Variants in ARHGEF17 observed in about 807,000 individuals in gnomAD.
ARHGEF17 encodes 164 kDa Rho-specific guanine-nucleotide exchange factor.
In ARHGEF17, 80 loss-of-function variants were observed where a neutral mutation model predicts 174.0. The ratio of observed to expected loss-of-function variants is 0.46; its 90% confidence interval spans 0.38 to 0.55. The LOEUF is 0.55. Among genes scored for constraint, ARHGEF17 ranks in the 20% least tolerant of loss-of-function variants. The pLI is 0.00. For synonymous variants in ARHGEF17, 1,311 were observed against 1,189.1 expected, an observed-to-expected ratio of 1.10 and a Z score of -2.11; for missense variants, 2,886 against 2,839.7, an observed-to-expected ratio of 1.02 and a Z score of -0.37.
intron 3 of ARHGEF17, among the ~76,000 whole-genome samples, chr11:73,353,442 G>A (rs1865588886): frequency 6.6e-6 from 1 of 152,218 alleles, no homozygotes. Context: ...GTTGATGCTG[G>A]CTGAGTCTTG....
intron 1 of ARHGEF17, among the ~76,000 whole-genome samples, chr11:73,318,289 G>T (rs1236081731): frequency 6.7e-6 from 1 of 149,444 alleles, no homozygotes; most frequent in Non-Finnish European, 1.5e-5. Flanking sequence ...GCAGGCTGTG[G>T]TGCTCACTGT....
chr11:73,319,214 C>T (rs1864975787), intron 1 of ARHGEF17, among the ~76,000 whole-genome samples: 1 of 152,164 alleles, frequency 6.6e-6, no homozygotes. Flanking sequence ...CAGGCATGCG[C>T]CACCACATCC....
At chr11:73,325,629 C>G (rs1391973419) in intron 1 of ARHGEF17, among the ~76,000 whole-genome samples, 1 of 152,224 alleles carries the variant, frequency 6.6e-6, no homozygotes, top group African/African-American at 2.4e-5. Flanking sequence ...GTACAGATAT[C>G]AGGAGTGAGG....
At chr11:73,329,138 C>T (rs1031224122) in intron 1 of ARHGEF17, among the ~76,000 whole-genome samples, 2 of 150,986 alleles carry the variant, frequency 1.3e-5, no homozygotes, top group East Asian at 3.9e-4. Context: ...TGCCTATTTC[C>T]TACCCTGCCT....
intron 1 of ARHGEF17, among the ~76,000 whole-genome samples, chr11:73,341,430 C>A (rs1182929950): frequency 6.6e-6 from 1 of 152,150 alleles, no homozygotes; most frequent in Non-Finnish European, 1.5e-5. Context: ...CCTCAGCCTC[C>A]CGAGTAGCTG....
In ARHGEF17 at chr11:73,364,157, C is replaced by G. The variant is rs556324613; in HGVS notation, c.5334-15C>G. On this transcript the variant is annotated splice_polypyrimidine_tract_variant and intron_variant, in intron 16 of 20. Transcript: ENST00000263674. ...TGCCTGAACTCCCTTACTGCTTCCT[C>G]TTTTCCCTACCCAGGTATCTGAATA... is the stretch of plus-strand genomic sequence containing the variant. 12 of 1,614,064 alleles carry G rather than the reference C, an allele frequency of 7.4e-6. No homozygotes were observed. In the Admixed American group the frequency reaches 1.3e-4, roughly 18 times the overall value.
In ARHGEF17 at chr11:73,309,282, A is replaced by G; in HGVS notation, c.644A>G (p.His215Arg). 1 of 1,612,108 alleles carries G rather than the reference A, an allele frequency of 6.2e-7. No homozygotes were observed. The highest frequency in any genetic ancestry group is 1.3e-5 in the African/African-American group (1 of 75,008). ...GCGCAGCGTCCAGCGGATGGTTTAC[A>G]TTCTTGGCATATCTTCTCCCAACCG... ...ERAQRPADGL[H>R]SWHIFSQPQA... is the part of the protein sequence containing the mutation. The change falls in exon 1 of 21, where the codon CAT (histidine) becomes CGT (arginine). Residue 215 changes from histidine to arginine, a missense_variant. Physicochemically the swap from His to Arg is conservative, Grantham distance 29 (BLOSUM62 0). Around this residue, in one of 4 missense-constraint regions of ARHGEF17, gnomAD observed 1,728 missense variants for 1,461.2 expected, o/e 1.18. Transcript: ENST00000263674.
Position 73,309,512 on chromosome 11 carries a change from A to G in ARHGEF17, c.874A>G (p.Arg292Gly). 1 of 1,556,926 alleles carries G rather than the reference A, an allele frequency of 6.4e-7. No homozygotes were observed. The highest frequency in any genetic ancestry group is 8.7e-7 in the Non-Finnish European group (1 of 1,148,626). ...DGEGGHRWGG[R>G]PGLRPGSSLL... Reference sequence around the variant, plus strand: ...TGAGGGCGGCCACCGCTGGGGAGGGAGGCCCGGGCTCAGGCCTGGAAGCTC... The same window carrying G: ...TGAGGGCGGCCACCGCTGGGGAGGGGGGCCCGGGCTCAGGCCTGGAAGCTC... Residue 292 changes from arginine (R) to glycine (G), a missense_variant, in exon 1 of 21, where the codon AGG becomes GGG. Coordinates refer to ENST00000263674, the MANE Select transcript of ARHGEF17 (RefSeq NM_014786.4).
Position 73,363,401 on chromosome 11 carries a change from G to T in ARHGEF17, c.5192G>T (p.Ser1731Ile). ...CGGGGCAGCCTTGAGGACCTGCTGA[G>T]TGTCGACCCTGAGGCCTACCAGAGC... The part of the protein sequence containing the change: ...FTRGSLEDLL[S>I]VDPEAYQSSV... Residue 1731 changes from serine (S) to isoleucine (I), a missense_variant, in exon 15 of 21, where the codon AGT becomes ATT. By Grantham distance (142) the Ser-to-Ile change is moderately radical. Around this residue, in one of 4 missense-constraint regions of ARHGEF17, gnomAD observed 476 missense variants for 473.1 expected, o/e 1.01. Coordinates refer to ENST00000263674, the MANE Select transcript of ARHGEF17 (RefSeq NM_014786.4). 1.2e-6 allele frequency: 2 copies of T among 1,613,410 alleles called. No homozygotes were observed. Among genetic ancestry groups the T allele is most frequent in the Non-Finnish European group, 1.7e-6 (2 of 1,179,936 alleles).
rs551328028 is a variant in ARHGEF17 at position 73,347,824 on chromosome 11, C to G, written c.3270+864C>G. On this transcript the variant is annotated intron_variant, in intron 2 of 20. Coordinates refer to ENST00000263674, the MANE Select transcript of ARHGEF17 (RefSeq NM_014786.4). ...AAGAGGAGGTCAAGGCCATTGAGATCCGGCAAGGATAGAGGTTACAGGAAG... is the reference window on the plus strand; with the variant it reads ...AAGAGGAGGTCAAGGCCATTGAGATGCGGCAAGGATAGAGGTTACAGGAAG... 2.0e-5 allele frequency among the ~76,000 whole-genome samples: 3 copies of G among 152,234 alleles called. No individual in the cohort carries two copies. The South Asian group carries it at 6.2e-4, about 32-fold the overall frequency.
In ARHGEF17 at chr11:73,364,310, T is replaced by C. The variant is rs142365624; in HGVS notation, c.5401+71T>C. ...GTGTTGGGGCTCTCTCCTGGAGATG[T>C]GGCTTTGGGCAACTCCCAGGCCCTC... On this transcript the variant is annotated intron_variant, in intron 17 of 20. Transcript: ENST00000263674. The C allele has an allele frequency of 7.7e-5, 123 of 1,604,528 alleles. No individual in the cohort carries two copies. In the East Asian group the frequency reaches 1.5e-3, roughly 19 times the overall value.
intron 1 of ARHGEF17, among the ~76,000 whole-genome samples, chr11:73,312,583 T>G (rs892758473): frequency 1.3e-5 from 2 of 151,950 alleles, no homozygotes; most frequent in African/African-American, 2.4e-5. Flanking sequence ...TGCCAGAGCC[T>G]CCTCAGATGA....
intron 1 of ARHGEF17, among the ~76,000 whole-genome samples, chr11:73,320,758 C>T (rs1381907284): frequency 1.3e-5 from 2 of 150,918 alleles, no homozygotes; most frequent in Non-Finnish European, 2.9e-5. Flanking sequence ...TTCCTGGACT[C>T]AAGCAATCCC....
chr11:73,316,114 G>A (rs1413511586), intron 1 of ARHGEF17, among the ~76,000 whole-genome samples: 1 of 152,242 alleles, frequency 6.6e-6, no homozygotes, highest in East Asian at 1.9e-4. Flanking sequence ...CCTAGAAGAG[G>A]CTCTGCCTAA....
intron 1 of ARHGEF17, among the ~76,000 whole-genome samples, chr11:73,333,792 T>C (rs1865246684): frequency 6.6e-6 from 1 of 152,144 alleles, no homozygotes; most frequent in Non-Finnish European, 1.5e-5. Context: ...AGAGGCCTGG[T>C]CTGGTCTGGT....
chr11:73,361,183 T>C (rs778199960), intron 12 of ARHGEF17, 22 bp downstream of exon 12: 5 of 1,611,960 alleles, frequency 3.1e-6, no homozygotes, highest in African/African-American at 2.7e-5. Flanking sequence ...TCTGGGTCAC[T>C]TGGGTACATG....
In ARHGEF17 at chr11:73,310,173, G is replaced by C. The variant is rs1034374422; in HGVS notation, c.1535G>C (p.Gly512Ala). ...GGCAGAGACTCACCATCCGCAGGTG[G>C]CCCTGTGGGGCAACTTGAACCCATA... ...LDGRDSPSAG[G>A]PVGQLEPIPI... Residue 512 changes from glycine (G) to alanine (A), a missense_variant, in exon 1 of 21, where the codon GGC becomes GCC. Gly to Ala is a moderately conservative substitution (Grantham distance 60). This residue lies in a region of ARHGEF17 where 1,728 missense variants were observed against 1,461.2 expected (regional missense o/e 1.18). Transcript: ENST00000263674. 5.0e-6 allele frequency: 8 copies of C among 1,613,940 alleles called. No individual in the cohort carries two copies. The highest frequency in any genetic ancestry group is 6.8e-6 in the Non-Finnish European group (8 of 1,179,996).
chr11:73,311,825 C>T lies in ARHGEF17; in HGVS notation c.3187C>T (p.Gln1063Ter). The T allele has an allele frequency of 6.2e-7, 1 of 1,601,592 alleles. No individual in the cohort carries two copies. The stretch of plus-strand genomic sequence containing the variant: ...TGCCAGCAAGTGCTGCAGCAAGCCA[C>T]AGGTGGTGAGTCCTTTGTAGGGGCC... ...TPASKCCSKP[Q>*]VDMRKHVAMT... The change falls in exon 1 of 21, where the codon CAG (glutamine) becomes TAG (stop). Residue 1063 changes from glutamine (Q) to a stop codon, truncating the protein, a stop_gained. Transcript: ENST00000263674. LOFTEE classifies it high-confidence loss of function.
At chr11:73,328,730 G>T (rs1003510246) in intron 1 of ARHGEF17, among the ~76,000 whole-genome samples, 1 of 152,214 alleles carries the variant, frequency 6.6e-6, no homozygotes, top group African/African-American at 2.4e-5. Context: ...CCTGTTCTCT[G>T]GTGCAGTCTT....
Sources: allele counts gnomAD v4.1 joint callset (sites outside exome capture counted in the v4.1 genomes callset), GRCh38; gene constraint gnomAD v4.1.1; regional missense constraint gnomAD v4.1.1; transcripts MANE v1.5; gene names NCBI Gene and HGNC (gene_info 2026-07-23, HGNC 2026-07-21).